The following BBS7 variants were observed in gnomAD, a reference collection of about 807,000 sequenced individuals.
The protein encoded by BBS7 is BBSome complex member BBS7.
Under a neutral mutation model 90.3 loss-of-function variants are expected in BBS7, and 50 were observed. The ratio of observed to expected loss-of-function variants is 0.55; its 90% confidence interval spans 0.44 to 0.70. BBS7 has a LOEUF of 0.70. Among genes scored for constraint, BBS7 ranks in the 30% least tolerant of loss-of-function variants. The pLI is 0.00. For synonymous variants in BBS7, 235 were observed against 287.4 expected, an observed-to-expected ratio of 0.82 and a Z score of 1.85; for missense variants, 729 against 838.9, an observed-to-expected ratio of 0.87 and a Z score of 1.62.
intron 14 of BBS7, among the ~76,000 whole-genome samples, chr4:121,833,700 G>GTTTATTTT (rs1299441564): frequency 1.3e-5 from 2 of 152,032 alleles, no homozygotes; most frequent in Middle Eastern, 3.4e-3. Flanking sequence ...TTTTTAAAAA[G>GTTTATTTT]TTTATTTTTT....
Position 121,843,927 on chromosome 4 carries a change from C to G in BBS7, c.1305G>C (p.Glu435Asp). Residue 435 changes from glutamate to aspartate, a missense_variant and splice_region_variant, in exon 12 of 19, where the codon GAG (glutamate) becomes GAC (aspartate). Glu to Asp is a conservative substitution (Grantham distance 45, BLOSUM62 2). Transcript: ENST00000264499. ...AVVSFSSCDSESNDNFLLATY... is the reference protein window; with the variant it reads ...AVVSFSSCDSDSNDNFLLATY... The stretch of plus-strand genomic sequence containing the variant: ...AGAATTCTTTTATATTTTTACTCAC[C>G]TCAGAATCACAGCTGCTAAAGCTAA... 1 of 1,590,038 alleles carries G rather than the reference C, an allele frequency of 6.3e-7. No individual in the cohort carries two copies. Among genetic ancestry groups the G allele is most frequent in the South Asian group, 1.1e-5 (1 of 88,742 alleles).
chr4:121,833,237 G>A lies in BBS7; in HGVS notation c.1670C>T (p.Thr557Ile), dbSNP rs1489448712. 1 of 1,613,522 alleles carries A rather than the reference G, an allele frequency of 6.2e-7. No homozygotes were observed. Among genetic ancestry groups the A allele is most frequent in the South Asian group, 1.1e-5 (1 of 91,068 alleles). ...AGTAATAAGTTAGATTTACCTGTAG[G>A]TACTTTCAAGTTGTGTATCTAGAAA... is the stretch of plus-strand genomic sequence containing the variant. ...NTFLDTQLESTYRKGEGVFKS... is the reference protein window; with the variant it reads ...NTFLDTQLESIYRKGEGVFKS... The change falls in exon 15 of 19, where the codon ACC (threonine) becomes ATC (isoleucine). Residue 557 changes from threonine to isoleucine, a missense_variant. Coordinates refer to ENST00000264499, the MANE Select transcript of BBS7 (RefSeq NM_176824.3).
At chr4:121,864,676 G>T (rs1727161762) in intron 2 of BBS7, among the ~76,000 whole-genome samples, 1 of 152,044 alleles carries the variant, frequency 6.6e-6, no homozygotes, top group Admixed American at 6.5e-5. Context: ...GGGGTGCTGA[G>T]ACCAAAAATT....
chr4:121,840,673 A>C (rs909214234), intron 12 of BBS7, among the ~76,000 whole-genome samples: 2 of 152,178 alleles, frequency 1.3e-5, no homozygotes, highest in African/African-American at 4.8e-5. Flanking sequence ...AGACACAGCA[A>C]CATAAGATAA....
In BBS7 at chr4:121,825,002, G is replaced by A; in HGVS notation, c.*858C>T. On this transcript the variant is annotated 3_prime_UTR_variant, in exon 19 of 19. Transcript: ENST00000264499. The stretch of plus-strand genomic sequence containing the variant: ...TGCACAAAACTTCTGTAGCCTTAAT[G>A]TCATATATGATAAAAAGAGATCTAG... 6.6e-6 allele frequency: 1 copy of A among 152,070 alleles called. No homozygotes were observed. Among genetic ancestry groups the A allele is most frequent in the East Asian group, 1.9e-4 (1 of 5,196 alleles). 9.4% of individuals were successfully genotyped at this position (152,070 alleles called of 1,614,324 possible). A position where few individuals can be genotyped will look rare whatever the true frequency, so the allele number is the denominator to read the frequency against.
At position 121,824,536 on chromosome 4, in the gene BBS7, C is replaced by T. The variant is rs181687808; in HGVS notation, c.*1324G>A. 34 of 152,112 alleles carry T rather than the reference C, an allele frequency of 2.2e-4. No individual in the cohort carries two copies. In the East Asian group the frequency reaches 6.2e-3, roughly 28 times the overall value. The allele number at this position is 152,112 out of a possible 1,614,324, so 9.4% of individuals were successfully genotyped here. On this transcript the variant is annotated 3_prime_UTR_variant, in exon 19 of 19. Transcript: ENST00000264499. The surrounding 1 kb of genome is among the most constrained non-coding windows in gnomAD (Gnocchi z 4.1). ...AAGATGCAATTAATTTAAGATGGCA[C>T]CTTGAACTACTGTTGATATATATAA... is the stretch of plus-strand genomic sequence containing the variant.
chr4:121,863,284 A>G lies in BBS7; in HGVS notation c.103-5T>C. 1.2e-6 allele frequency: 2 copies of G among 1,609,680 alleles called. No homozygotes were observed. The highest frequency in any genetic ancestry group is 1.1e-5 in the South Asian group (1 of 90,746). On this transcript the variant is annotated splice_polypyrimidine_tract_variant and splice_region_variant and intron_variant, in intron 2 of 18. Coordinates refer to ENST00000264499, the MANE Select transcript of BBS7 (RefSeq NM_176824.3). ...ATCATGATCTCCAATAACCACCTGT[A>G]ATAGATGGAAGATAATCTAAAATTA...
At chr4:121,853,255 G>A (rs1035551652) in intron 7 of BBS7, among the ~76,000 whole-genome samples, 169 bp from the exon 8 acceptor site, 7 of 152,066 alleles carry the variant, frequency 4.6e-5, no homozygotes, top group African/African-American at 1.4e-4. Flanking sequence ...TCTATTTCCA[G>A]GTCTTTAAAT....
intron 2 of BBS7, among the ~76,000 whole-genome samples, chr4:121,864,972 A>ATAGACTACT (rs1166331466): frequency 6.6e-6 from 1 of 152,168 alleles, no homozygotes; most frequent in East Asian, 1.9e-4. Flanking sequence ...CTATAGTGGT[A>ATAGACTACT]TAGACTACTT....
intron 5 of BBS7, 39 bp from the exon 6 acceptor site, chr4:121,855,600 A>G: frequency 6.5e-7 from 1 of 1,535,066 alleles, no homozygotes; most frequent in Non-Finnish European, 9.0e-7. Context: ...CAGAATACAA[A>G]CTGAAAATAA....
intron 4 of BBS7, among the ~76,000 whole-genome samples, chr4:121,861,091 C>T (rs1726949886): frequency 6.6e-6 from 1 of 152,270 alleles, no homozygotes; most frequent in Non-Finnish European, 1.5e-5. Context: ...CTATATTTCA[C>T]TTAGAGTCTT....
intron 8 of BBS7, among the ~76,000 whole-genome samples, chr4:121,852,317 C>T (rs1726367136): frequency 6.6e-6 from 1 of 151,996 alleles, no homozygotes; most frequent in Admixed American, 6.6e-5. Context: ...AGTTTAATAG[C>T]CTCAGTGTGT....
chr4:121,865,484 C>T (rs558294812), intron 2 of BBS7, among the ~76,000 whole-genome samples: 41 of 152,294 alleles, frequency 2.7e-4, no homozygotes, highest in African/African-American at 9.6e-4. Flanking sequence ...GGTGATCCGC[C>T]CGCCTCAGCC....
intron 3 of BBS7, 126 bp from the exon 4 acceptor site, chr4:121,861,805 T>A (rs1726999455): frequency 1.1e-6 from 1 of 918,592 alleles, no homozygotes; most frequent in Non-Finnish European, 1.7e-6. Flanking sequence ...TAGAAATAAT[T>A]TTAGATAATA....
intron 8 of BBS7, among the ~76,000 whole-genome samples, chr4:121,849,597 G>C (rs1046386647): frequency 6.6e-6 from 1 of 152,178 alleles, no homozygotes; most frequent in East Asian, 1.9e-4. Flanking sequence ...GGGAAGCCGA[G>C]GTGGGCGGAT....
chr4:121,836,317 C>T (rs969422517), intron 13 of BBS7, among the ~76,000 whole-genome samples: 1 of 152,138 alleles, frequency 6.6e-6, no homozygotes, highest in African/African-American at 2.4e-5. Flanking sequence ...CTTATCTCTG[C>T]CTCTCCTATT....
chr4:121,830,686 T>C (rs892182614), intron 15 of BBS7, among the ~76,000 whole-genome samples: 3 of 152,190 alleles, frequency 2.0e-5, no homozygotes, highest in African/African-American at 7.2e-5. Context: ...GTCACACAGC[T>C]GGTAAGTCAC....
In BBS7 at chr4:121,835,234, G is replaced by C. The variant is rs771018739; in HGVS notation, c.1421C>G (p.Pro474Arg). 3.1e-6 allele frequency: 5 copies of C among 1,613,654 alleles called. No individual in the cohort carries two copies. Among genetic ancestry groups the C allele is most frequent in the Non-Finnish European group, 4.2e-6 (5 of 1,179,816 alleles). The change falls in exon 14 of 19, where the codon CCA (proline) becomes CGA (arginine). Residue 474 changes from proline (P) to arginine (R), a missense_variant. Pro to Arg is a moderately radical substitution (Grantham distance 103, BLOSUM62 -2). Transcript: ENST00000264499. The stretch of plus-strand genomic sequence containing the variant: ...CTGACAGGTTTTGGGTTGAATTCTT[G>C]GAGTCACATATGCTTGTAGTGTGCC... ...QYGTLQAYVT[P>R]RIQPKTCQVR...
chr4:121,839,717 A>G (rs1725634775), intron 12 of BBS7, 21 bp from the exon 13 acceptor site: 1 of 1,603,170 alleles, frequency 6.2e-7, no homozygotes, highest in African/African-American at 1.3e-5. Context: ...TACAAAGTGG[A>G]GGAAAAGAAT....
Sources: gnomAD v4.1 joint callset for allele counts (sites outside exome capture counted in the v4.1 genomes callset) on GRCh38, gnomAD v4.1.1 for gene constraint, Gnocchi (gnomAD v3.1) non-coding constraint, MANE v1.5 for transcripts, NCBI Gene and HGNC (gene_info 2026-07-23, HGNC 2026-07-21) for gene names.